The following GAPVD1 variants were observed in gnomAD, a reference collection of about 807,000 sequenced individuals.
GAPVD1 encodes the protein GTPase-activating protein and VPS9 domain-containing protein 1.
GAPVD1 carries 35 observed loss-of-function variants against 155.5 expected under a neutral mutation model. The observed-to-expected ratio is 0.23, with a 90% confidence interval of 0.17 to 0.30. The LOEUF (loss-of-function observed/expected upper bound fraction) is 0.30. GAPVD1 is among the 10% of genes least tolerant of loss of function. The pLI is 1.00. For synonymous variants in GAPVD1, 636 were observed against 619.7 expected, an observed-to-expected ratio of 1.03 and a Z score of -0.39; for missense variants, 1,429 against 1,775.7, an observed-to-expected ratio of 0.80 and a Z score of 3.51.
intron 9 of GAPVD1, among the ~76,000 whole-genome samples, chr9:125,318,646 G>T (rs529655700): frequency 1.5e-4 from 23 of 152,308 alleles, no homozygotes; most frequent in Non-Finnish European, 2.9e-4. Flanking sequence ...GCCAGTTATG[G>T]TGGCTCATGC....
intron 22 of GAPVD1, 107 bp from the exon 23 acceptor site, chr9:125,350,606 T>G: frequency 1.4e-6 from 1 of 734,230 alleles, no homozygotes; most frequent in Non-Finnish European, 2.3e-6. Flanking sequence ...ACAGCTTAGT[T>G]CTAATGATAC....
At chr9:125,303,078 G>A (rs748128287) in intron 5 of GAPVD1, among the ~76,000 whole-genome samples, 14 of 152,084 alleles carry the variant, frequency 9.2e-5, no homozygotes, top group Non-Finnish European at 1.3e-4. Flanking sequence ...AGGCTGGAGT[G>A]CAGTGGCGCA....
At position 125,328,899 on chromosome 9, in the gene GAPVD1, G is replaced by A. The variant is rs142007724; in HGVS notation, c.2033-1179G>A. Reference sequence around the variant, plus strand: ...GCAGGGGGGCTCACCTCGGGAGGCCGAGGCTGGCGGATCACTCGCGGTTAG... The same window carrying A: ...GCAGGGGGGCTCACCTCGGGAGGCCAAGGCTGGCGGATCACTCGCGGTTAG... On this transcript the variant is annotated intron_variant, in intron 12 of 27. Coordinates refer to ENST00000297933, the MANE Select transcript of GAPVD1 (RefSeq NM_001282680.3). Among the ~76,000 whole-genome samples the A allele has an allele frequency of 2.1e-3, 315 of 152,310 alleles. 1 individual carries two copies. Among genetic ancestry groups the A allele is most frequent in the Non-Finnish European group, 3.7e-3 (249 of 68,026 alleles).
intron 2 of GAPVD1, among the ~76,000 whole-genome samples, chr9:125,294,316 C>T (rs1415549206): frequency 1.3e-5 from 2 of 150,720 alleles, no homozygotes; most frequent in Admixed American, 6.6e-5. Flanking sequence ...GCTGGGATTA[C>T]AGGCATGAGC....
chr9:125,313,283 A>T (rs1233006250), intron 9 of GAPVD1, among the ~76,000 whole-genome samples: 1 of 145,014 alleles, frequency 6.9e-6, no homozygotes, highest in African/African-American at 2.5e-5. Flanking sequence ...CTAGCAATGA[A>T]TTTTTTTTTT....
intron 23 of GAPVD1, among the ~76,000 whole-genome samples, chr9:125,352,090 T>C (rs1849371608): frequency 6.6e-6 from 1 of 152,216 alleles, no homozygotes; most frequent in Non-Finnish European, 1.5e-5. Flanking sequence ...TTGCAGGGTA[T>C]AGCCACTTTT....
chr9:125,318,062 G>T (rs1843718640), intron 9 of GAPVD1, among the ~76,000 whole-genome samples: 2 of 152,192 alleles, frequency 1.3e-5, no homozygotes, highest in Admixed American at 1.3e-4. Flanking sequence ...CGCTCTCACT[G>T]CAGCCTCCGC....
At chr9:125,345,597 A>G (rs935548016) in intron 19 of GAPVD1, among the ~76,000 whole-genome samples, 6 of 152,218 alleles carry the variant, frequency 3.9e-5, no homozygotes, top group African/African-American at 1.4e-4. Context: ...TCACGGAGAC[A>G]TGAATACCAT....
intron 5 of GAPVD1, 39 bp from the exon 6 acceptor site, chr9:125,305,024 C>G (rs1386667018): frequency 2.3e-6 from 3 of 1,328,058 alleles, no homozygotes; most frequent in South Asian, 2.4e-5. Context: ...GAGTATCTGT[C>G]TGTAGCTTAT....
chr9:125,335,545 C>T (rs1307799360), intron 15 of GAPVD1, among the ~76,000 whole-genome samples: 2 of 151,708 alleles, frequency 1.3e-5, no homozygotes, highest in Non-Finnish European at 1.5e-5. Flanking sequence ...GGTGTGGTGG[C>T]GTGTGCCTGT....
At chr9:125,278,929 T>C (rs755767773) in intron 2 of GAPVD1, among the ~76,000 whole-genome samples, 4 of 150,206 alleles carry the variant, frequency 2.7e-5, no homozygotes, top group Middle Eastern at 3.6e-3. Flanking sequence ...ATGGCAGTCA[T>C]GGCTGGGCAC....
At chr9:125,304,322 A>G (rs905656869) in intron 5 of GAPVD1, among the ~76,000 whole-genome samples, 1 of 152,192 alleles carries the variant, frequency 6.6e-6, no homozygotes, top group African/African-American at 2.4e-5. Flanking sequence ...TGGCCTCTCA[A>G]AGTGCTGGGA....
In GAPVD1 at chr9:125,364,653, G is replaced by C. The variant is rs1304619511; in HGVS notation, c.*1907G>C. 3.9e-5 allele frequency: 6 copies of C among 152,282 alleles called. No individual in the cohort carries two copies. Among genetic ancestry groups the C allele is most frequent in the Admixed American group, 3.9e-4 (6 of 15,278 alleles). 9.4% of individuals were successfully genotyped at this position (152,282 alleles called of 1,614,324 possible). On this transcript the variant is annotated 3_prime_UTR_variant, in exon 28 of 28. Transcript: ENST00000297933. ...ATGTGGTTTCTGCCTTCTAGAGAGA[G>C]ATCAGAATTAAACTAGTACTATGAA... is the stretch of plus-strand genomic sequence containing the variant.
chr9:125,263,426 C>A (rs969618960), intron 1 of GAPVD1: 7 of 496,994 alleles, frequency 1.4e-5, no homozygotes, highest in Non-Finnish European at 2.2e-5. Context: ...TCCAGCCTGG[C>A]AACAGAGCGA....
intron 20 of GAPVD1, 130 bp from the exon 21 acceptor site, chr9:125,349,260 C>A (rs1395445346): frequency 1.3e-6 from 1 of 743,332 alleles, no homozygotes; most frequent in East Asian, 2.6e-5. Flanking sequence ...TTTTTTCTTT[C>A]TTTTTTTTCC....
In GAPVD1 at chr9:125,307,910, C is replaced by G. The variant is rs1172220235; in HGVS notation, c.1441+30C>G. 4 of 1,394,470 alleles carry G rather than the reference C, an allele frequency of 2.9e-6. No individual in the cohort carries two copies. In the African/African-American group the frequency reaches 4.2e-5, roughly 15 times the overall value. 86.4% of individuals were successfully genotyped at this position (1,394,470 alleles called of 1,614,324 possible). On this transcript the variant is annotated intron_variant, in intron 8 of 27. Transcript: ENST00000297933. ...AGAGAATTTCTCGTATTGGAGCTTT[C>G]TCTTAAATCTAATATTTCATTAGCC...
chr9:125,315,557 G>T (rs1430094413), intron 9 of GAPVD1, among the ~76,000 whole-genome samples: 1 of 152,134 alleles, frequency 6.6e-6, no homozygotes, highest in African/African-American at 2.4e-5. Flanking sequence ...GGTCCTGAAA[G>T]ATCGTCTCAA....
intron 2 of GAPVD1, among the ~76,000 whole-genome samples, chr9:125,293,868 A>ATATATATATAAATATATTT (rs1839248812): frequency 5.2e-5 from 1 of 19,346 alleles, no homozygotes; most frequent in African/African-American, 5.1e-4. Flanking sequence ...ATATATATAT[A>ATATATATATAAATATATTT]TATATATATA....
In GAPVD1 at chr9:125,300,041, ATATATATATATATATATATATAT is replaced by A. The variant is rs1840592130; in HGVS notation, c.185+936_185+958del. 3.0e-3 allele frequency among the ~76,000 whole-genome samples: 41 copies of A among 13,558 alleles called. 8 individuals are homozygous for A. Among genetic ancestry groups the A allele is most frequent in the Non-Finnish European group, 4.5e-3 (31 of 6,876 alleles). The allele number at this position is 13,558 out of a possible 152,430, so 8.9% of individuals were successfully genotyped here. On this transcript the variant is annotated intron_variant, in intron 4 of 27. Coordinates refer to ENST00000297933, the MANE Select transcript of GAPVD1 (RefSeq NM_001282680.3). ...CTCAAAAGAAAAAAAAAAAAAAAATATATATATATATATATATATATATATATATATATATATATATATATATA... is the reference window on the plus strand; with the variant it reads ...CTCAAAAGAAAAAAAAAAAAAAAATAATATATATATATATATATATATATA...
Sources: gnomAD v4.1 joint callset for allele counts (sites outside exome capture counted in the v4.1 genomes callset) on GRCh38, gnomAD v4.1.1 for gene constraint, MANE v1.5 for transcripts, NCBI Gene and HGNC (gene_info 2026-07-23, HGNC 2026-07-21) for gene names.